Variants in KCNB2 observed in about 807,000 individuals in gnomAD.
The protein encoded by KCNB2 is potassium voltage-gated channel subfamily B member 2, also known as delayed rectifier potassium channel protein.
Under a neutral mutation model 61.5 loss-of-function variants are expected in KCNB2, and 15 were observed. That is an observed-to-expected ratio of 0.24 (90% CI 0.16 to 0.38). The LOEUF (loss-of-function observed/expected upper bound fraction) is 0.38. Among genes scored for constraint, KCNB2 ranks in the 10% least tolerant of loss-of-function variants. The probability of loss-of-function intolerance (pLI) is 1.00; values close to 1 mark genes in which losing one functional copy is unlikely to be tolerated. For missense variants in KCNB2, 828 were observed against 1,125.2 expected (o/e 0.74, Z 3.78); for synonymous variants, 457 against 446.0 (o/e 1.02, Z -0.31).
chr8:72,900,797 C>T (rs556414226), intron 2 of KCNB2, among the ~76,000 whole-genome samples: 11 of 152,126 alleles, frequency 7.2e-5, no homozygotes, highest in African/African-American at 2.4e-4. Context: ...AGTGAGATAC[C>T]GTCTCACACC....
At chr8:72,875,115 G>A (rs57742721) in intron 2 of KCNB2, 9,852 of 152,154 alleles carry the variant, frequency 0.065, 1,052 homozygotes, top group African/African-American at 0.22. Context: ...TTTTCACAAA[G>A]AAACACACAC....
chr8:72,831,648 A>T (rs574694475), intron 2 of KCNB2, among the ~76,000 whole-genome samples: 3 of 152,386 alleles, frequency 2.0e-5, no homozygotes, highest in Admixed American at 6.5e-5. Flanking sequence ...AATTAAAATA[A>T]AACATTGCAA....
At chr8:72,864,283 A>T (rs1332795739) in intron 2 of KCNB2, among the ~76,000 whole-genome samples, 2 of 152,244 alleles carry the variant, frequency 1.3e-5, no homozygotes, top group African/African-American at 4.8e-5. Flanking sequence ...GTGTCCACCC[A>T]GAAGACAATG....
At chr8:72,822,229 G>A (rs1215160626) in intron 2 of KCNB2, among the ~76,000 whole-genome samples, 1 of 152,170 alleles carries the variant, frequency 6.6e-6, no homozygotes, top group Non-Finnish European at 1.5e-5. Context: ...TATGGTACCT[G>A]CCAGATGCTG....
intron 2 of KCNB2, among the ~76,000 whole-genome samples, chr8:72,776,740 A>C (rs1212040486): frequency 6.6e-6 from 1 of 152,186 alleles, no homozygotes; most frequent in African/African-American, 2.4e-5. Flanking sequence ...ATCGGCATGC[A>C]GTATCCAGGT....
Position 72,772,090 on chromosome 8 carries a change from C to T in KCNB2, c.580-163845C>T, listed in dbSNP as rs1005799112. Among the ~76,000 whole-genome samples, 11 of 152,126 alleles carry T rather than the reference C, an allele frequency of 7.2e-5. 1 individual carries two copies. Among genetic ancestry groups the T allele is most frequent in the African/African-American group, 9.6e-5 (4 of 41,494 alleles). On this transcript the variant is annotated intron_variant, in intron 2 of 2. Coordinates refer to ENST00000523207, the MANE Select transcript of KCNB2 (RefSeq NM_004770.3). ...AAGCCAGCAGAGGAACACAGGGACA[C>T]GGGATGGAGAGGAGGCAAGAGCCAG...
chr8:72,726,689 G>A lies in KCNB2; in HGVS notation c.579+158376G>A, dbSNP rs6982613. On this transcript the variant is annotated intron_variant, in intron 2 of 2. Transcript: ENST00000523207. ...TTGAATTACAGGTTATTTGTCTTTCGTTTTTCTTTGTGCTTTTACAAGTTC... is the reference window on the plus strand; with the variant it reads ...TTGAATTACAGGTTATTTGTCTTTCATTTTTCTTTGTGCTTTTACAAGTTC... 9.7e-3 allele frequency among the ~76,000 whole-genome samples: 1,482 copies of A among 152,178 alleles called. 21 individuals carry two copies. The highest frequency in any genetic ancestry group is 0.034 in the African/African-American group (1,403 of 41,508).
At chr8:72,569,850 A>G (rs2128979224) in intron 2 of KCNB2, among the ~76,000 whole-genome samples, 1 of 152,314 alleles carries the variant, frequency 6.6e-6, no homozygotes, top group East Asian at 1.9e-4. Flanking sequence ...TGTTCCATCA[A>G]AATTTCCAGA....
chr8:72,700,949 A>G (rs1807113045), intron 2 of KCNB2, among the ~76,000 whole-genome samples: 2 of 152,212 alleles, frequency 1.3e-5, no homozygotes, highest in Admixed American at 1.3e-4. Context: ...AGGTAGCTGG[A>G]GGCCATTACT....
chr8:72,742,712 C>T (rs2128994715), intron 2 of KCNB2, among the ~76,000 whole-genome samples: 1 of 152,262 alleles, frequency 6.6e-6, no homozygotes, highest in Non-Finnish European at 1.5e-5. Flanking sequence ...CTCCAGAGAC[C>T]TGGCTTTCTG....
chr8:72,797,772 A>G (rs1407208521), intron 2 of KCNB2, among the ~76,000 whole-genome samples: 1 of 152,082 alleles, frequency 6.6e-6, no homozygotes, highest in Non-Finnish European at 1.5e-5. Context: ...AATACATGAC[A>G]ACTCCCAGGG....
intron 2 of KCNB2, among the ~76,000 whole-genome samples, chr8:72,611,975 C>G (rs1805550067): frequency 6.6e-6 from 1 of 152,006 alleles, no homozygotes; most frequent in Non-Finnish European, 1.5e-5. Flanking sequence ...TCCTTAAACG[C>G]AAACTGTTAT....
At chr8:72,584,503 C>A (rs1452846308) in intron 2 of KCNB2, among the ~76,000 whole-genome samples, 1 of 151,998 alleles carries the variant, frequency 6.6e-6, no homozygotes, top group South Asian at 2.1e-4. Context: ...AAAACTCTTA[C>A]CTTTTACTAC....
chr8:72,931,202 C>T (rs1563428392), intron 2 of KCNB2, among the ~76,000 whole-genome samples: 1 of 152,142 alleles, frequency 6.6e-6, no homozygotes, highest in Non-Finnish European at 1.5e-5. Flanking sequence ...TTACTGTAGT[C>T]TTGTAGTATA....
intron 2 of KCNB2, among the ~76,000 whole-genome samples, chr8:72,776,734 G>C (rs1291477917): frequency 1.3e-5 from 2 of 152,172 alleles, no homozygotes; most frequent in African/African-American, 4.8e-5. Flanking sequence ...TCGGAGATCG[G>C]CATGCAGTAT....
At chr8:72,638,594 G>A (rs140955590) in intron 2 of KCNB2, among the ~76,000 whole-genome samples, 3,166 of 152,192 alleles carry the variant, frequency 0.021, 44 homozygotes, top group Non-Finnish European at 0.032. Flanking sequence ...TGGCCATAAA[G>A]TTGGAACTAC....
At chr8:72,832,787 G>A (rs1241233304) in intron 2 of KCNB2, among the ~76,000 whole-genome samples, 1 of 152,202 alleles carries the variant, frequency 6.6e-6, no homozygotes, top group Non-Finnish European at 1.5e-5. Flanking sequence ...CAGGGCAACA[G>A]AGAGAAGGCC....
At position 72,815,512 on chromosome 8, in the gene KCNB2, A is replaced by G. The variant is rs758989211; in HGVS notation, c.580-120423A>G. Among the ~76,000 whole-genome samples, 11 of 152,242 alleles carry G rather than the reference A, an allele frequency of 7.2e-5. No homozygotes were observed. The South Asian group carries it at 1.0e-3, about 14-fold the overall frequency. On this transcript the variant is annotated intron_variant, in intron 2 of 2. Transcript: ENST00000523207. Reference sequence around the variant, plus strand: ...TCAGGAAAGTCAGAGACCTTTGACCATTTTTCTCTATTGTATCTCCATTGC... The same window carrying G: ...TCAGGAAAGTCAGAGACCTTTGACCGTTTTTCTCTATTGTATCTCCATTGC...
intron 1 of KCNB2, among the ~76,000 whole-genome samples, chr8:72,541,212 T>TGTAGAG (rs1272967793): frequency 1.3e-5 from 2 of 151,794 alleles, no homozygotes; most frequent in Admixed American, 1.3e-4. Flanking sequence ...AAATATTTAA[T>TGTAGAG]TTTAAATGTA....
Sources: gnomAD v4.1 joint callset for allele counts (sites outside exome capture counted in the v4.1 genomes callset) on GRCh38, gnomAD v4.1.1 for gene constraint, MANE v1.5 for transcripts, NCBI Gene and HGNC (gene_info 2026-07-23, HGNC 2026-07-21) for gene names.